RUVBL2: variants seen among roughly 807,000 people sequenced by gnomAD.
The protein encoded by RUVBL2 is RuvB like AAA ATPase 2, also known as ruvB-like 2.
RUVBL2 carries 9 observed loss-of-function variants against 57.9 expected under a neutral mutation model. The observed-to-expected ratio is 0.16, with a 90% CI of 0.09 to 0.27. The LOEUF is 0.27. Ranked by LOEUF, RUVBL2 falls within the 10% of genes least tolerant of loss-of-function variation. The pLI is 1.00. For missense variants in RUVBL2, 456 were observed against 669.6 expected (o/e 0.68, Z 3.52); for synonymous variants, 278 against 264.6 (o/e 1.05, Z -0.49).
intron 1 of RUVBL2, among the ~76,000 whole-genome samples, chr19:48,995,548 G>A (rs1228524231): frequency 6.6e-6 from 1 of 151,736 alleles, no homozygotes; most frequent in African/African-American, 2.4e-5. Context: ...TCTAGGGGAA[G>A]AAGAGAAGAA....
At chr19:49,004,478 A>C in intron 4 of RUVBL2, 60 bp downstream of exon 4, 1 of 1,532,912 alleles carries the variant, frequency 6.5e-7, no homozygotes, top group South Asian at 1.2e-5. Flanking sequence ...CCTCCTGTGT[A>C]AGTCAGGGTC....
In RUVBL2 at chr19:49,004,344, G is replaced by T. The variant is rs556480578; in HGVS notation, c.191G>T (p.Arg64Leu). ...RAAGVVLEMI[R>L]EGKIAGRAVL... is the part of the protein sequence containing the mutation. The stretch of plus-strand genomic sequence containing the variant: ...GCTGGCGTGGTGCTGGAGATGATCC[G>T]GGAAGGGAAGATTGCCGGTCGGGCA... Residue 64 changes from arginine to leucine, a missense_variant, in exon 4 of 15, where the codon CGG (arginine) becomes CTG (leucine). Coordinates refer to ENST00000595090, the MANE Select transcript of RUVBL2 (RefSeq NM_006666.3). The T allele has an allele frequency of 6.2e-7, 1 of 1,612,500 alleles. No individual in the cohort carries two copies. Among genetic ancestry groups the T allele is most frequent in the South Asian group, 1.1e-5 (1 of 91,038 alleles).
At position 49,010,559 on chromosome 19, in the gene RUVBL2, C is replaced by T. The variant is rs769683443; in HGVS notation, c.735C>T (p.His245=). Residue 245 remains histidine (H), a synonymous_variant, in exon 9 of 15, where the codon CAC becomes CAT. Transcript: ENST00000595090. ...AGGTGGTGCACACCGTGTCCCTGCA[C>T]GAGATCGACGTCATCAACTCTCGCA... ...RKEVVHTVSL[H]EIDVINSRTQ... 2.0e-5 allele frequency: 33 copies of T among 1,612,178 alleles called. No individual in the cohort carries two copies. Among genetic ancestry groups the T allele is most frequent in the East Asian group, 6.7e-5 (3 of 44,732 alleles).
At chr19:48,999,895 G>A (rs962139840) in intron 2 of RUVBL2, among the ~76,000 whole-genome samples, 10 of 152,164 alleles carry the variant, frequency 6.6e-5, no homozygotes, top group South Asian at 4.1e-4. Flanking sequence ...CACTGGCCCC[G>A]GCTCACACAG....
At chr19:49,007,206 C>T in intron 5 of RUVBL2, 59 bp downstream of exon 5, 1 of 1,608,656 alleles carries the variant, frequency 6.2e-7, no homozygotes, top group East Asian at 2.2e-5. Context: ...ACCCCGCACC[C>T]CGGGCGGCTC....
intron 3 of RUVBL2, 105 bp from the exon 4 acceptor site, chr19:49,004,172 G>A (rs2039239105): frequency 1.1e-4 from 97 of 892,262 alleles, no homozygotes; most frequent in South Asian, 2.8e-4. Context: ...TTTCCTAGAA[G>A]TCCCAGCTAG....
chr19:48,998,282 G>A (rs1227565811), intron 1 of RUVBL2, among the ~76,000 whole-genome samples: 3 of 152,202 alleles, frequency 2.0e-5, no homozygotes, highest in Non-Finnish European at 4.4e-5. Flanking sequence ...CCTGGTGGTT[G>A]AGAACTGGGG....
In RUVBL2 at chr19:49,010,428, C is replaced by T. The variant is rs141726140; in HGVS notation, c.664-60C>T. On this transcript the variant is annotated intron_variant, in intron 8 of 14. Transcript: ENST00000595090. ...TCCCCCAGACAGAGGGCTTTAGGGGCCCCCTTCATGCCCTTCCCTGCCCTG... is the reference window on the plus strand; with the variant it reads ...TCCCCCAGACAGAGGGCTTTAGGGGTCCCCTTCATGCCCTTCCCTGCCCTG... 144 of 1,577,634 alleles carry T rather than the reference C, an allele frequency of 9.1e-5. No individual in the cohort carries two copies. In the East Asian group the frequency reaches 3.0e-3, roughly 33 times the overall value.
chr19:49,007,942 C>T (rs2039315136), intron 6 of RUVBL2, among the ~76,000 whole-genome samples: 1 of 150,574 alleles, frequency 6.6e-6, no homozygotes, highest in African/African-American at 2.4e-5. Context: ...CTCCTGACCT[C>T]GTGATCTGCC....
intron 1 of RUVBL2, among the ~76,000 whole-genome samples, chr19:48,995,089 G>A (rs1229129069): frequency 1.3e-4 from 20 of 151,956 alleles, no homozygotes; most frequent in Non-Finnish European, 1.3e-4. Flanking sequence ...AGGAGGAGGA[G>A]GAGGTGGATA....
intron 1 of RUVBL2, among the ~76,000 whole-genome samples, chr19:48,995,444 C>T (rs1448040041): frequency 6.6e-6 from 1 of 151,118 alleles, no homozygotes; most frequent in Non-Finnish European, 1.5e-5. Context: ...CACACAGTGA[C>T]AGGGAAAGCT....
intron 4 of RUVBL2, among the ~76,000 whole-genome samples, chr19:49,006,376 G>A (rs1311117415): frequency 6.6e-6 from 1 of 152,244 alleles, no homozygotes; most frequent in African/African-American, 2.4e-5. Context: ...GGCCACCGGC[G>A]GTAGAGCGTC....
intron 1 of RUVBL2, among the ~76,000 whole-genome samples, chr19:48,997,628 C>CA (rs34730869): frequency 0.046 from 4,987 of 108,546 alleles, 107 homozygotes; most frequent in Middle Eastern, 0.1. Flanking sequence ...GACTATGTCT[C>CA]AAAAAAAAAA....
intron 1 of RUVBL2, 135 bp downstream of exon 1, chr19:48,994,058 A>G (rs1041930896): frequency 5.7e-6 from 4 of 704,752 alleles, no homozygotes; most frequent in Non-Finnish European, 8.2e-6. Context: ...CTGAAAGAGG[A>G]GGAAGCTCGG....
At chr19:49,000,109 A>T (rs1051055813) in intron 2 of RUVBL2, among the ~76,000 whole-genome samples, 4 of 152,190 alleles carry the variant, frequency 2.6e-5, no homozygotes, top group Non-Finnish European at 4.4e-5. Context: ...CTTTCCCACC[A>T]TGTGGCCAGG....
chr19:49,008,886 GGA>G (rs1156237556), intron 6 of RUVBL2, among the ~76,000 whole-genome samples: 1 of 152,028 alleles, frequency 6.6e-6, no homozygotes, highest in Non-Finnish European at 1.5e-5. Context: ...GGCTAAGGCA[GGA>G]GAATCGCTTG....
chr19:48,996,163 A>G (rs1248260358), intron 1 of RUVBL2, among the ~76,000 whole-genome samples: 1 of 151,610 alleles, frequency 6.6e-6, no homozygotes, highest in Non-Finnish European at 1.5e-5. Context: ...AAAAAAAAAC[A>G]CAAACCTGTG....
intron 1 of RUVBL2, among the ~76,000 whole-genome samples, chr19:48,996,010 A>G (rs1389729928): frequency 2.0e-5 from 3 of 151,138 alleles, no homozygotes; most frequent in Non-Finnish European, 2.9e-5. Flanking sequence ...AAAGAAAAGA[A>G]AAGAGAAGAA....
Position 49,010,622 on chromosome 19 carries a change from T to TCCTGCCCTGC in RUVBL2, c.787+29_787+38dup, listed in dbSNP as rs367698302. On this transcript the variant is annotated intron_variant, in intron 9 of 14. Transcript: ENST00000595090. ...TGGCGCTCTTCTCAGGTGAGGCCCC[T>TCCTGCCCTGC]CCTGCCCTGCCCTGCCCTGCCCTGC... 61 of 1,613,158 alleles carry TCCTGCCCTGC rather than the reference T, an allele frequency of 3.8e-5. No homozygotes were observed. The highest frequency in any genetic ancestry group is 6.7e-5 in the East Asian group (3 of 44,852).
Sources: gnomAD v4.1 joint callset for allele counts (sites outside exome capture counted in the v4.1 genomes callset) on GRCh38, gnomAD v4.1.1 for gene constraint, MANE v1.5 for transcripts, NCBI Gene and HGNC (gene_info 2026-07-23, HGNC 2026-07-21) for gene names.